NSUN7: variants seen among roughly 807,000 people sequenced by gnomAD.
The protein encoded by NSUN7 is NOP2/Sun RNA methyltransferase family member 7.
NSUN7 carries 39 observed loss-of-function variants against 58.5 expected under a neutral mutation model. The observed-to-expected ratio is 0.67, with a 90% CI of 0.52 to 0.87. The LOEUF (loss-of-function observed/expected upper bound fraction) is 0.87. NSUN7 is among the 40% of genes least tolerant of loss of function. The probability of loss-of-function intolerance (pLI) is 0.00; values close to 1 mark genes in which losing one functional copy is unlikely to be tolerated. For synonymous variants in NSUN7, 278 were observed against 303.7 expected, an observed-to-expected ratio of 0.92 and a Z score of 0.88; for missense variants, 765 against 844.1, an observed-to-expected ratio of 0.91 and a Z score of 1.16.
chr4:40,762,483 G>T (rs1407538995), intron 4 of NSUN7: 1 of 152,162 alleles, frequency 6.6e-6, no homozygotes, highest in Non-Finnish European at 1.5e-5. Context: ...TCAGGTAATA[G>T]TAATGATAAT....
At chr4:40,779,563 C>T (rs182316966) in intron 7 of NSUN7, among the ~76,000 whole-genome samples, 7 of 152,252 alleles carry the variant, frequency 4.6e-5, no homozygotes, top group Non-Finnish European at 1.0e-4. Flanking sequence ...GAGATTGCGC[C>T]ACTGCACTCC....
chr4:40,763,454 C>T (rs1371893951), intron 4 of NSUN7, among the ~76,000 whole-genome samples: 1 of 152,124 alleles, frequency 6.6e-6, no homozygotes, highest in Non-Finnish European at 1.5e-5. Flanking sequence ...CCTCGTGCTT[C>T]TCCTAGTTTC....
At chr4:40,786,726 A>G (rs1444007558) in intron 7 of NSUN7, 14 of 1,543,248 alleles carry the variant, frequency 9.1e-6, no homozygotes, top group African/African-American at 4.2e-5. Flanking sequence ...ATCAATACCT[A>G]TTATATCTGT....
chr4:40,807,415 C>A (rs62303768), intron 11 of NSUN7, among the ~76,000 whole-genome samples: 1 of 147,310 alleles, frequency 6.8e-6, no homozygotes, highest in African/African-American at 2.5e-5. Flanking sequence ...GTGGCGTGAT[C>A]TCGGCTCATT....
At chr4:40,799,084 T>C (rs994469769) in intron 10 of NSUN7, among the ~76,000 whole-genome samples, 180 bp downstream of exon 10, 1 of 139,258 alleles carries the variant, frequency 7.2e-6, no homozygotes, top group Non-Finnish European at 1.5e-5. Flanking sequence ...TTTTTTTTTT[T>C]TTTTTTTTTT....
At chr4:40,793,167 C>T (rs1209831088) in intron 8 of NSUN7, among the ~76,000 whole-genome samples, 1 of 152,022 alleles carries the variant, frequency 6.6e-6, no homozygotes, top group Non-Finnish European at 1.5e-5. Context: ...GTAGGCCAGG[C>T]ACAGTGGCTC....
At chr4:40,766,021 C>T (rs1423139996) in intron 4 of NSUN7, among the ~76,000 whole-genome samples, 1 of 152,180 alleles carries the variant, frequency 6.6e-6, no homozygotes, top group Non-Finnish European at 1.5e-5. Context: ...ATCATGTCAT[C>T]TGCAAACAGG....
chr4:40,776,775 G>A (rs1266999076), intron 7 of NSUN7, among the ~76,000 whole-genome samples: 1 of 152,034 alleles, frequency 6.6e-6, no homozygotes, highest in South Asian at 2.1e-4. Flanking sequence ...GCCACTATGC[G>A]TGGCTAATTT....
intron 7 of NSUN7, among the ~76,000 whole-genome samples, chr4:40,780,739 A>G (rs1007707383): frequency 1.0e-4 from 15 of 147,328 alleles, no homozygotes; most frequent in Non-Finnish European, 1.9e-4. Flanking sequence ...TTAAAATATT[A>G]TGTAAACATT....
At chr4:40,796,522 C>T (rs535163528) in intron 9 of NSUN7, among the ~76,000 whole-genome samples, 10 of 151,920 alleles carry the variant, frequency 6.6e-5, no homozygotes, top group African/African-American at 2.2e-4. Flanking sequence ...GCAGGCTACT[C>T]GGGAGACTGA....
At position 40,808,614 on chromosome 4, in the gene NSUN7, C is replaced by G. The variant is rs1743991994; in HGVS notation, c.1832C>G (p.Pro611Arg). ...ACCAGAAAACCCAACAAGCTGGCCC[C>G]CCATCCTGCAGTGCCTGCATTTGTG... The part of the protein sequence containing the change: ...SQTRKPNKLA[P>R]HPAVPAFVKN... The change falls in exon 12 of 12, where the codon CCC (proline) becomes CGC (arginine). Residue 611 changes from proline to arginine, a missense_variant. Physicochemically the swap from Pro to Arg is moderately radical, Grantham distance 103 (BLOSUM62 -2). Coordinates refer to ENST00000381782, the MANE Select transcript of NSUN7 (RefSeq NM_024677.6). The G allele has an allele frequency of 5.2e-6, 8 of 1,551,786 alleles. No homozygotes were observed. The highest frequency in any genetic ancestry group is 7.0e-6 in the Non-Finnish European group (8 of 1,147,020).
intron 4 of NSUN7, among the ~76,000 whole-genome samples, chr4:40,763,776 C>T (rs1741575112): frequency 6.6e-6 from 1 of 152,172 alleles, no homozygotes; most frequent in African/African-American, 2.4e-5. Flanking sequence ...TGCCTTAACA[C>T]ATATTCTGGT....
intron 10 of NSUN7, among the ~76,000 whole-genome samples, chr4:40,806,637 CA>C (rs1743817238): frequency 6.6e-6 from 1 of 151,952 alleles, no homozygotes. Flanking sequence ...TGTAATTGTG[CA>C]AAAAGTAACC....
chr4:40,768,626 T>C (rs534522620), intron 4 of NSUN7, among the ~76,000 whole-genome samples: 42 of 152,336 alleles, frequency 2.8e-4, no homozygotes, highest in Non-Finnish European at 1.9e-4. Flanking sequence ...TTTTCACTCT[T>C]ATACCCCTAA....
chr4:40,774,512 A>G (rs1417045135), intron 5 of NSUN7, 95 bp downstream of exon 5: 1 of 1,238,002 alleles, frequency 8.1e-7, no homozygotes, highest in African/African-American at 1.5e-5. Context: ...TGGGGGTGGC[A>G]CATCTAGGGG....
chr4:40,797,610 T>A (rs1052483246), intron 9 of NSUN7, among the ~76,000 whole-genome samples: 5 of 152,124 alleles, frequency 3.3e-5, no homozygotes, highest in Non-Finnish European at 7.4e-5. Flanking sequence ...TCAACTTATA[T>A]CCAGAATATA....
At chr4:40,760,862 CAA>C (rs540410744) in intron 3 of NSUN7, among the ~76,000 whole-genome samples, 18 of 60,172 alleles carry the variant, frequency 3.0e-4, no homozygotes, top group Middle Eastern at 0.01. Context: ...AACTCCGTCT[CAA>C]AAAAAAAAAA....
intron 2 of NSUN7, among the ~76,000 whole-genome samples, chr4:40,756,367 G>A (rs1400107314): frequency 6.6e-6 from 1 of 152,226 alleles, no homozygotes; most frequent in Admixed American, 6.5e-5. Flanking sequence ...ATGTAAAATG[G>A]TGGTTAAGAG....
intron 9 of NSUN7, among the ~76,000 whole-genome samples, chr4:40,796,484 A>T (rs1743329464): frequency 6.6e-6 from 1 of 152,028 alleles, no homozygotes; most frequent in Non-Finnish European, 1.5e-5. Flanking sequence ...TACAAAAAAT[A>T]AAAAAAGTTA....
Sources: allele counts gnomAD v4.1 joint callset (sites outside exome capture counted in the v4.1 genomes callset), GRCh38; gene constraint gnomAD v4.1.1; transcripts MANE v1.5; gene names NCBI Gene and HGNC (gene_info 2026-07-23, HGNC 2026-07-21).